The following FN1 variants were observed in gnomAD, a reference collection of about 807,000 sequenced individuals.
FN1 encodes the protein fibronectin 1.
In FN1, 106 loss-of-function variants were observed where a neutral mutation model predicts 297.3. That is an observed-to-expected ratio of 0.36 (90% confidence interval 0.30 to 0.42). The LOEUF (loss-of-function observed/expected upper bound fraction) is 0.42, where lower values mean the gene tolerates loss of function less well. Among genes scored for constraint, FN1 ranks in the 10% least tolerant of loss-of-function variants. The probability of loss-of-function intolerance (pLI) is 1.00; values close to 1 mark genes in which losing one functional copy is unlikely to be tolerated. For synonymous variants in FN1, 1,149 were observed against 1,152.6 expected, an observed-to-expected ratio of 1.00 and a Z score of 0.06; for missense variants, 2,690 against 3,124.9, an observed-to-expected ratio of 0.86 and a Z score of 3.32.
At position 215,430,759 on chromosome 2, in the gene FN1, G is replaced by A; in HGVS notation, c.641C>T (p.Thr214Ile). 2.5e-6 allele frequency: 4 copies of A among 1,614,126 alleles called. No homozygotes were observed. Among genetic ancestry groups the A allele is most frequent in the African/African-American group, 1.3e-5 (1 of 75,058 alleles). ...PYQGWMMVDC[T>I]CLGEGSGRIT... ...GCGTCCGCTGCCTTCTCCCAGGCAA[G>A]TACAATCTACCATCATCCAGCCTTG... Residue 214 changes from threonine to isoleucine, a missense_variant, in exon 5 of 46, where the codon ACT becomes ATT. Around this residue, in one of 3 missense-constraint regions of FN1, gnomAD observed 876 missense variants for 1,058.1 expected, o/e 0.83. Coordinates refer to ENST00000354785, the MANE Select transcript of FN1 (RefSeq NM_212482.4).
rs142165052 is a variant in FN1, at chr2:215,420,747, C to T, written c.1601G>A (p.Arg534His). 3.0e-4 allele frequency: 488 copies of T among 1,613,960 alleles called. 1 individual carries two copies. Among genetic ancestry groups the T allele is most frequent in the Non-Finnish European group, 4.0e-4 (468 of 1,179,964 alleles). ...GTTCAGCATGTGCCCCTCTTCATGA[C>T]GCTTGTGGAATGTGTCGTTCACATT... ...TYNVNDTFHK[R>H]HEEGHMLNCT... The change falls in exon 11 of 46, where the codon CGT (arginine) becomes CAT (histidine). Residue 534 changes from arginine (R) to histidine (H), a missense_variant. By Grantham distance (29) the Arg-to-His change is conservative. Coordinates refer to ENST00000354785, the MANE Select transcript of FN1 (RefSeq NM_212482.4).
chr2:215,415,097 C>T (rs2063249925), intron 12 of FN1, 139 bp from the exon 13 acceptor site: 2 of 636,924 alleles, frequency 3.1e-6, no homozygotes. Flanking sequence ...TGGCATTAAT[C>T]TTTTAAATAT....
Position 215,436,054 on chromosome 2 carries a change from A to T in FN1, c.-252T>A. 1.5e-6 allele frequency: 1 copy of T among 671,226 alleles called. No homozygotes were observed. Among genetic ancestry groups the T allele is most frequent in the Non-Finnish European group, 2.2e-6 (1 of 447,616 alleles). 41.6% of individuals were successfully genotyped at this position (671,226 alleles called of 1,614,324 possible). A position where few individuals can be genotyped will look rare whatever the true frequency, so the allele number is the denominator to read the frequency against. ...GTTCCCTCTCCTCCCCCTGTGCAGCACAGCCGGCGCGGGCGTCCGAGCGCC... is the reference window on the plus strand; with the variant it reads ...GTTCCCTCTCCTCCCCCTGTGCAGCTCAGCCGGCGCGGGCGTCCGAGCGCC... On this transcript the variant is annotated 5_prime_UTR_variant, in exon 1 of 46. Coordinates refer to ENST00000354785, the MANE Select transcript of FN1 (RefSeq NM_212482.4).
At chr2:215,397,316 C>T (rs1258980041) in intron 22 of FN1, 93 bp from the exon 23 acceptor site, 2 of 880,790 alleles carry the variant, frequency 2.3e-6, no homozygotes, top group Non-Finnish European at 3.9e-6. Flanking sequence ...CTCTTCCATG[C>T]TTCTTCCCTC....
At chr2:215,407,410 C>T in intron 17 of FN1, 89 bp from the exon 18 acceptor site, 1 of 1,088,550 alleles carries the variant, frequency 9.2e-7, no homozygotes, top group Non-Finnish European at 1.4e-6. Flanking sequence ...TCTAATATCC[C>T]TTAGCATCTT....
At chr2:215,377,871 G>A (rs1279761121) in intron 35 of FN1, among the ~76,000 whole-genome samples, 1 of 152,168 alleles carries the variant, frequency 6.6e-6, no homozygotes, top group Non-Finnish European at 1.5e-5. Flanking sequence ...TTCTGAAGGA[G>A]TATAAAAGAT....
chr2:215,421,661 C>G (rs1354671394), intron 10 of FN1, among the ~76,000 whole-genome samples: 1 of 152,190 alleles, frequency 6.6e-6, no homozygotes, highest in African/African-American at 2.4e-5. Flanking sequence ...CTAATCTGAA[C>G]AAGGAAAGTT....
At chr2:215,418,830 C>T (rs953320358) in intron 12 of FN1, among the ~76,000 whole-genome samples, 8 of 152,160 alleles carry the variant, frequency 5.3e-5, no homozygotes, top group Admixed American at 1.3e-4. Context: ...TGAATGAACA[C>T]GTACCTTATG....
At position 215,393,206 on chromosome 2, in the gene FN1, A is replaced by G. The variant is rs772097724; in HGVS notation, c.3797-3T>C. The G allele has an allele frequency of 1.6e-5, 26 of 1,612,476 alleles. No individual in the cohort carries two copies. Among genetic ancestry groups the G allele is most frequent in the Non-Finnish European group, 1.5e-5 (18 of 1,179,290 alleles). On this transcript the variant is annotated splice_region_variant and splice_polypyrimidine_tract_variant and intron_variant, in intron 24 of 45. Transcript: ENST00000354785. ...TAGGTCAGTGAGTTGGGGCACCTCT[A>G]TTGAGTTACAAAGCAAAGGGAGGGG...
intron 12 of FN1, among the ~76,000 whole-genome samples, chr2:215,418,970 C>A (rs1200134147): frequency 6.6e-6 from 1 of 151,514 alleles, no homozygotes; most frequent in Non-Finnish European, 1.5e-5. Context: ...ATGAAATTAG[C>A]CAGAGTGTCT....
At chr2:215,399,204 C>A in intron 21 of FN1, 53 bp downstream of exon 21, 1 of 1,352,348 alleles carries the variant, frequency 7.4e-7, no homozygotes, top group Admixed American at 1.9e-5. Context: ...ACATGGGAAC[C>A]ACAAGGACAG....
rs145263539 is a variant in FN1 at position 215,435,662 on chromosome 2, T to G, written c.141A>C (p.Gln47His). Reference protein sequence around the residue: ...VQPQSPVAVSQSKPGCYDNGK... With the variant: ...VQPQSPVAVSHSKPGCYDNGK... ...CCCGCGGTCAGTACTCACGCTTGCT[T>G]TGACTGACAGCCACCGGGGACTGGG... is the stretch of plus-strand genomic sequence containing the variant. Residue 47 changes from glutamine to histidine, a missense_variant, in exon 1 of 46, where the codon CAA becomes CAC. Gln to His is a conservative substitution (Grantham distance 24). Around this residue, in one of 3 missense-constraint regions of FN1, gnomAD observed 876 missense variants for 1,058.1 expected, o/e 0.83. Coordinates refer to ENST00000354785, the MANE Select transcript of FN1 (RefSeq NM_212482.4). 527 of 1,613,624 alleles carry G rather than the reference T, an allele frequency of 3.3e-4. No homozygotes were observed. Among genetic ancestry groups the G allele is most frequent in the Non-Finnish European group, 4.2e-4 (500 of 1,179,968 alleles).
chr2:215,365,233 CA>C (rs2054290352), intron 43 of FN1, among the ~76,000 whole-genome samples: 1 of 152,204 alleles, frequency 6.6e-6, no homozygotes, highest in African/African-American at 2.4e-5. Context: ...GTTGAATCTA[CA>C]GACCAATAAA....
At position 215,419,381 on chromosome 2, in the gene FN1, T is replaced by C; in HGVS notation, c.1680A>G (p.Gln560=). 6.2e-7 allele frequency: 1 copy of C among 1,612,990 alleles called. No individual in the cohort carries two copies. Among genetic ancestry groups the C allele is most frequent in the Non-Finnish European group, 8.5e-7 (1 of 1,178,930 alleles). Residue 560 remains glutamine (Q), a synonymous_variant, in exon 12 of 46, where the codon CAA becomes CAG. Transcript: ENST00000354785. ...RGRWKCDPVD[Q]CQDSETGTFY... Reference sequence around the variant, plus strand: ...ACGTCCCAGTCTCTGAATCCTGGCATTGGTCTAAAATACATGGAAGGAAAA... The same window carrying C: ...ACGTCCCAGTCTCTGAATCCTGGCACTGGTCTAAAATACATGGAAGGAAAA...
rs746046020 is a variant in FN1, at chr2:215,397,853, A to AG, written c.3349-6dup. On this transcript the variant is annotated splice_region_variant and splice_polypyrimidine_tract_variant and intron_variant, in intron 21 of 45. Transcript: ENST00000354785. ...CTGGCTTGGTCGTACACCCAGCTAG[A>AG]GGAAGGAATGCAAAGTAAACACCAA... The AG allele has an allele frequency of 4.3e-6, 7 of 1,613,718 alleles. No homozygotes were observed. The African/African-American group carries it at 6.7e-5, about 15-fold the overall frequency.
intron 6 of FN1, among the ~76,000 whole-genome samples, chr2:215,426,849 TGACA>T (rs1446590472): frequency 6.6e-6 from 1 of 152,194 alleles, no homozygotes; most frequent in Non-Finnish European, 1.5e-5. Flanking sequence ...TTTGGTAGAC[TGACA>T]TTTATAATTT....
rs1438684662 is a variant in FN1, at chr2:215,425,081, A to C, written c.1036+13T>G. 6.2e-7 allele frequency: 1 copy of C among 1,612,674 alleles called. No individual in the cohort carries two copies. The highest frequency in any genetic ancestry group is 1.1e-5 in the South Asian group (1 of 91,050). ...AAGTCATCAGTCCTATTCTTCAAAA[A>C]GATAATGCATACCTGTCTCTTGGCA... On this transcript the variant is annotated intron_variant, in intron 7 of 45. Transcript: ENST00000354785.
chr2:215,423,853 G>A (rs916840337), intron 8 of FN1, among the ~76,000 whole-genome samples: 2 of 152,088 alleles, frequency 1.3e-5, no homozygotes, highest in Non-Finnish European at 2.9e-5. Flanking sequence ...CCTCAGCCCT[G>A]TGGGATCATC....
At position 215,375,672 on chromosome 2, in the gene FN1, A is replaced by G. The variant is rs901112287; in HGVS notation, c.5934T>C (p.Asn1978=). Residue 1978 remains asparagine (N), a synonymous_variant, in exon 37 of 46, where the codon AAT becomes AAC. Coordinates refer to ENST00000354785, the MANE Select transcript of FN1 (RefSeq NM_212482.4). The part of the protein sequence containing the change: ...TDYKIYLYTL[N]DNARSSPVVI... ...CCACAGGGGAGCTCCGAGCATTGTCATTCAAGGTGTACAGGTAGATCTTGT... is the reference window on the plus strand; with the variant it reads ...CCACAGGGGAGCTCCGAGCATTGTCGTTCAAGGTGTACAGGTAGATCTTGT... The G allele has an allele frequency of 1.9e-6, 3 of 1,613,718 alleles. No individual in the cohort carries two copies. The highest frequency in any genetic ancestry group is 1.7e-6 in the Non-Finnish European group (2 of 1,179,610).
Sources: gnomAD v4.1 joint callset for allele counts (sites outside exome capture counted in the v4.1 genomes callset) on GRCh38, gnomAD v4.1.1 for gene constraint, gnomAD v4.1.1 regional missense constraint, MANE v1.5 for transcripts, NCBI Gene and HGNC (gene_info 2026-07-23, HGNC 2026-07-21) for gene names.